The following FARP1 variants were observed in gnomAD, a reference collection of about 807,000 sequenced individuals.
The protein encoded by FARP1 is FERM, ARHGEF and pleckstrin domain-containing protein 1.
Under a neutral mutation model 128.8 loss-of-function variants are expected in FARP1, and 52 were observed. The ratio of observed to expected loss-of-function variants is 0.40; its 90% CI spans 0.32 to 0.51. The LOEUF is 0.51. Among genes scored for constraint, FARP1 ranks in the 20% least tolerant of loss-of-function variants. The pLI is 0.45. For missense variants in FARP1, 1,333 were observed against 1,367.9 expected (o/e 0.97, Z 0.40); for synonymous variants, 580 against 551.8 (o/e 1.05, Z -0.72).
At chr13:98,371,218 G>GT (rs33975048) in intron 5 of FARP1, among the ~76,000 whole-genome samples, 16,278 of 124,550 alleles carry the variant, frequency 0.13, 1,165 homozygotes, top group East Asian at 0.29. Flanking sequence ...CCCGCCCCCC[G>GT]TTTTTTTTTT....
intron 2 of FARP1, among the ~76,000 whole-genome samples, chr13:98,223,845 C>G (rs1881579026): frequency 6.6e-6 from 1 of 152,226 alleles, no homozygotes; most frequent in South Asian, 2.1e-4. Context: ...CACCTGGGTG[C>G]CCACCAAGCT....
At chr13:98,158,528 G>T (rs1369817806) in intron 1 of FARP1, among the ~76,000 whole-genome samples, 1 of 152,226 alleles carries the variant, frequency 6.6e-6, no homozygotes, top group Non-Finnish European at 1.5e-5. Context: ...AGGGTTGTCA[G>T]ATCAAGGTTG....
In FARP1 at chr13:98,440,750, G is replaced by A. The variant is rs1892490372; in HGVS notation, c.2710G>A (p.Ala904Thr). 1.9e-6 allele frequency: 3 copies of A among 1,613,386 alleles called. No homozygotes were observed. The highest frequency in any genetic ancestry group is 2.5e-6 in the Non-Finnish European group (3 of 1,179,982). Residue 904 changes from alanine to threonine, a missense_variant, in exon 24 of 27, where the codon GCC (alanine) becomes ACC (threonine). Transcript: ENST00000319562. ...SASRTSLERQAPHRGNTMVHV... is the reference protein window; with the variant it reads ...SASRTSLERQTPHRGNTMVHV... ...CTCGCGCACATCGCTGGAGCGCCAG[G>A]CCCCGCACCGCGGCAACACAATGGT...
intron 2 of FARP1, among the ~76,000 whole-genome samples, chr13:98,306,517 C>T (rs1161513308): frequency 6.7e-6 from 1 of 149,426 alleles, no homozygotes; most frequent in Non-Finnish European, 1.5e-5. Flanking sequence ...CTTTTTCTTT[C>T]TTTCTTTTTT....
intron 1 of FARP1, among the ~76,000 whole-genome samples, chr13:98,167,909 A>G (rs950918523): frequency 4.6e-5 from 7 of 151,936 alleles, no homozygotes; most frequent in Non-Finnish European, 8.8e-5. Flanking sequence ...GCGGTGGCTC[A>G]CGCCTGTAAT....
chr13:98,359,833 T>C (rs748620360), intron 3 of FARP1, among the ~76,000 whole-genome samples: 20 of 152,132 alleles, frequency 1.3e-4, no homozygotes, highest in Admixed American at 2.0e-4. Flanking sequence ...AATGCCAAGG[T>C]CACCTAATGA....
intron 2 of FARP1, among the ~76,000 whole-genome samples, chr13:98,337,538 CGT>C (rs60625244): frequency 0.14 from 18,808 of 131,854 alleles, 1,391 homozygotes; most frequent in African/African-American, 0.21. Flanking sequence ...TCTGTGTAGC[CGT>C]GTGTGTGTGT....
At chr13:98,254,516 C>T (rs996728592) in intron 2 of FARP1, among the ~76,000 whole-genome samples, 6 of 152,182 alleles carry the variant, frequency 3.9e-5, no homozygotes, top group East Asian at 1.9e-4. Flanking sequence ...ATCATGAGCA[C>T]GAAGAATTGT....
chr13:98,278,518 G>A (rs184163402), intron 2 of FARP1, among the ~76,000 whole-genome samples: 3 of 152,122 alleles, frequency 2.0e-5, no homozygotes, highest in Non-Finnish European at 4.4e-5. Flanking sequence ...TGCAAACAGG[G>A]TTGAGATCCA....
At chr13:98,268,498 C>T (rs1440235433) in intron 2 of FARP1, among the ~76,000 whole-genome samples, 1 of 152,058 alleles carries the variant, frequency 6.6e-6, no homozygotes, top group African/African-American at 2.4e-5. Context: ...GATGGAGTCT[C>T]GCTCTGTCAC....
rs7996167 is a variant in FARP1 at position 98,322,576 on chromosome 13, G to A, written c.172-21186G>A. Among the ~76,000 whole-genome samples the A allele has an allele frequency of 3.2e-3, 483 of 150,154 alleles. 3 individuals are homozygous for A. Among genetic ancestry groups the A allele is most frequent in the African/African-American group, 0.01 (420 of 40,732 alleles). On this transcript the variant is annotated intron_variant, in intron 2 of 26. Coordinates refer to ENST00000319562, the MANE Select transcript of FARP1 (RefSeq NM_005766.4). ...CCTTAGCCGTCAGTGCTCCTTAGCC[G>A]AGTACAGTTCTGACTGCCATGCGAC...
chr13:98,282,394 GC>G (rs1372641009), intron 2 of FARP1, among the ~76,000 whole-genome samples: 2 of 152,172 alleles, frequency 1.3e-5, no homozygotes, highest in Non-Finnish European at 2.9e-5. Flanking sequence ...AAGAGATAGA[GC>G]AAAGTGAGCT....
chr13:98,390,223 T>A, intron 10 of FARP1, 103 bp downstream of exon 10: 1 of 1,287,758 alleles, frequency 7.8e-7, no homozygotes, highest in Non-Finnish European at 1.1e-6. Context: ...GAACGCTCAT[T>A]GGCCTCCAGG....
chr13:98,175,930 G>A lies in FARP1; in HGVS notation c.-24+32438G>A, dbSNP rs559428611. 1.8e-5 allele frequency: 10 copies of A among 559,310 alleles called. No individual in the cohort carries two copies. In the East Asian group the frequency reaches 2.7e-4, roughly 15 times the overall value. 34.6% of individuals were successfully genotyped at this position (559,310 alleles called of 1,614,324 possible). A position where few individuals can be genotyped will look rare whatever the true frequency, so the allele number is the denominator to read the frequency against. On this transcript the variant is annotated intron_variant, in intron 1 of 26. Transcript: ENST00000319562. Reference sequence around the variant, plus strand: ...CTTAATAGCATTCCATTGTGTGTGTGTATCGCATTTTGTTTGTCCATTCAT... The same window carrying A: ...CTTAATAGCATTCCATTGTGTGTGTATATCGCATTTTGTTTGTCCATTCAT...
At chr13:98,325,815 G>C (rs183845180) in intron 2 of FARP1, among the ~76,000 whole-genome samples, 2 of 152,346 alleles carry the variant, frequency 1.3e-5, no homozygotes, top group Admixed American at 1.3e-4. Flanking sequence ...GCTGGTGAGA[G>C]TTATATCTCT....
intron 2 of FARP1, among the ~76,000 whole-genome samples, chr13:98,312,097 T>C (rs1886486378): frequency 7.0e-6 from 1 of 142,236 alleles, no homozygotes; most frequent in African/African-American, 2.6e-5. Flanking sequence ...TCTGCCTGCA[T>C]TGACCTCCCA....
intron 1 of FARP1, among the ~76,000 whole-genome samples, chr13:98,158,658 T>G (rs1246260474): frequency 6.6e-6 from 1 of 151,928 alleles, no homozygotes; most frequent in Non-Finnish European, 1.5e-5. Flanking sequence ...AAAGTGTGAG[T>G]TTGAGGTCAG....
At chr13:98,167,733 T>C (rs1402929465) in intron 1 of FARP1, among the ~76,000 whole-genome samples, 1 of 152,214 alleles carries the variant, frequency 6.6e-6, no homozygotes, top group East Asian at 1.9e-4. Context: ...AAAAATCTTA[T>C]GTTGTCTTCT....
rs190265368 is a variant in FARP1 at position 98,273,826 on chromosome 13, C to T, written c.171+60413C>T. On this transcript the variant is annotated intron_variant, in intron 2 of 26. Transcript: ENST00000319562. ...GACCTCCAAGAAGTTCAAGGTCACA[C>T]AGTAGCGGGCCCAGCAGAGCAGGGA... Among the ~76,000 whole-genome samples the T allele has an allele frequency of 1.1e-4, 16 of 152,316 alleles. No homozygotes were observed. The East Asian group carries it at 2.9e-3, about 28-fold the overall frequency.
Sources: allele counts gnomAD v4.1 joint callset (sites outside exome capture counted in the v4.1 genomes callset), GRCh38; gene constraint gnomAD v4.1.1; transcripts MANE v1.5; gene names NCBI Gene and HGNC (gene_info 2026-07-23, HGNC 2026-07-21).